Variants in EPX observed in about 807,000 individuals in gnomAD.
The protein encoded by EPX is eosinophil peroxidase.
A neutral mutation model predicts 73.0 loss-of-function variants in EPX; 60 were observed. The ratio of observed to expected loss-of-function variants is 0.82; its 90% CI spans 0.67 to 1.02. The LOEUF (loss-of-function observed/expected upper bound fraction) is 1.02. EPX is among the 50% of genes least tolerant of loss of function. The pLI, the probability that EPX is intolerant of heterozygous loss-of-function variation, is 0.00. For missense variants in EPX, 950 were observed against 973.9 expected (o/e 0.98, Z 0.33); for synonymous variants, 347 against 389.2 (o/e 0.89, Z 1.28).
intron 10 of EPX, chr17:58,202,361 G>C (rs1403653254): frequency 6.6e-6 from 1 of 152,400 alleles, no homozygotes; most frequent in African/African-American, 2.4e-5. Context: ...CTTGTCTTTG[G>C]AAGTTTCTGA....
rs1968238599 is a variant in EPX at position 58,195,145 on chromosome 17, A to G, written c.776A>G (p.Gln259Arg). Residue 259 changes from glutamine to arginine, a missense_variant, in exon 6 of 13, where the codon CAG (glutamine) becomes CGG (arginine). Coordinates refer to ENST00000225371, the MANE Select transcript of EPX (RefSeq NM_000502.6). ...GTTGACTGTGAGAGGACCTGCGCCC[A>G]GCTGCCCCCCTGCTTTCCCATCAAG... Reference protein sequence around the residue: ...AGVDCERTCAQLPPCFPIKIP... With the variant: ...AGVDCERTCARLPPCFPIKIP... 1.9e-6 allele frequency: 3 copies of G among 1,614,014 alleles called. No individual in the cohort carries two copies. Among genetic ancestry groups the G allele is most frequent in the Non-Finnish European group, 8.5e-7 (1 of 1,179,930 alleles).
chr17:58,195,240 G>A, intron 6 of EPX, 70 bp downstream of exon 6: 1 of 1,242,074 alleles, frequency 8.1e-7, no homozygotes, highest in Non-Finnish European at 1.2e-6. Flanking sequence ...TGGGGGTGGG[G>A]ATCTGGAAGA....
rs373616683 is a variant in EPX, at chr17:58,197,020, A to C, written c.883A>C (p.Lys295Gln). 1 of 1,614,134 alleles carries C rather than the reference A, an allele frequency of 6.2e-7. No homozygotes were observed. The highest frequency in any genetic ancestry group is 8.5e-7 in the Non-Finnish European group (1 of 1,180,028). ...CTCGGCACCCTCATGCCCCCAAAAC[A>C]AGAACAGAGTCCGCAACCAGATCAA... The part of the protein sequence containing the change: ...FRSAPSCPQN[K>Q]NRVRNQINAL... Residue 295 changes from lysine (K) to glutamine (Q), a missense_variant, in exon 7 of 13, where the codon AAG (lysine) becomes CAG (glutamine). Coordinates refer to ENST00000225371, the MANE Select transcript of EPX (RefSeq NM_000502.6).
chr17:58,200,412 C>T lies in EPX; in HGVS notation c.1708+17C>T, dbSNP rs1210861209. The T allele has an allele frequency of 6.2e-7, 1 of 1,613,356 alleles. No homozygotes were observed. The highest frequency in any genetic ancestry group is 1.3e-5 in the African/African-American group (1 of 74,930). ...GCCTTCCAGGTGAGGGGGCTGTCCA[C>T]CTCTTCTCCCAGCTTTGCTCGGGCC... On this transcript the variant is annotated intron_variant, in intron 10 of 12. Transcript: ENST00000225371.
intron 10 of EPX, 54 bp from the exon 11 acceptor site, chr17:58,203,025 CAG>C: frequency 1.5e-6 from 2 of 1,333,480 alleles, no homozygotes; most frequent in Non-Finnish European, 2.2e-6. Context: ...TGGAGAAAAA[CAG>C]AAGCTAATGG....
At chr17:58,204,508 C>T (rs1046312830) in intron 12 of EPX, 74 bp downstream of exon 12, 1 of 865,886 alleles carries the variant, frequency 1.2e-6, no homozygotes, top group Non-Finnish European at 1.9e-6. Flanking sequence ...ATGGCTGAGT[C>T]CTCTTAGGTC....
Position 58,197,179 on chromosome 17 carries a change from C to G in EPX, c.1042C>G (p.Leu348Val), listed in dbSNP as rs765308490. 7 of 1,614,062 alleles carry G rather than the reference C, an allele frequency of 4.3e-6. No individual in the cohort carries two copies. The highest frequency in any genetic ancestry group is 1.3e-5 in the African/African-American group (1 of 75,046). ...GCGCTTTCAAGACAACGGCCGGGCC[C>G]TGCTGCCCTTCGACAACCTGCACGA... ...NQRFQDNGRALLPFDNLHDDP... is the reference protein window; with the variant it reads ...NQRFQDNGRAVLPFDNLHDDP... Residue 348 changes from leucine (L) to valine (V), a missense_variant, in exon 7 of 13, where the codon CTG (leucine) becomes GTG (valine). By Grantham distance (32) the Leu-to-Val change is conservative (BLOSUM62 1). Coordinates refer to ENST00000225371, the MANE Select transcript of EPX (RefSeq NM_000502.6).
Position 58,199,021 on chromosome 17 carries a change from T to A in EPX, c.1121-19T>A. ...TCTCTGGGAAAGGCTGCAGTAAATC[T>A]GAGCTTGGGGTTTTCAAGGTGACAC... On this transcript the variant is annotated intron_variant, in intron 7 of 12. Coordinates refer to ENST00000225371, the MANE Select transcript of EPX (RefSeq NM_000502.6). 2 of 1,612,742 alleles carry A rather than the reference T, an allele frequency of 1.2e-6. No homozygotes were observed. The highest frequency in any genetic ancestry group is 2.7e-5 in the African/African-American group (2 of 75,054).
Position 58,199,200 on chromosome 17 carries a change from G to A in EPX, c.1281G>A (p.Gln427=), listed in dbSNP as rs539564300. The A allele has an allele frequency of 1.9e-6, 3 of 1,613,798 alleles. No individual in the cohort carries two copies. The highest frequency in any genetic ancestry group is 1.7e-5 in the Admixed American group (1 of 60,026). Reference sequence around the variant, plus strand: ...GGAAGATCATGGGGGCCATGGTCCAGGTAAGGAGCTCTGCATCCCAGCATC... The same window carrying A: ...GGAAGATCATGGGGGCCATGGTCCAAGTAAGGAGCTCTGCATCCCAGCATC... ...EARKIMGAMV[Q]IITYRDFLPL... The change falls in exon 8 of 13, where the codon CAG becomes CAA. Residue 427 remains glutamine, a splice_region_variant and synonymous_variant. Transcript: ENST00000225371.
At position 58,197,007 on chromosome 17, in the gene EPX, A is replaced by C. The variant is rs1226569056; in HGVS notation, c.870A>C (p.Ser290=). 1.2e-6 allele frequency: 2 copies of C among 1,614,056 alleles called. No individual in the cohort carries two copies. Among genetic ancestry groups the C allele is most frequent in the East Asian group, 2.2e-5 (1 of 44,884 alleles). ...DCIPFFRSAP[S]CPQNKNRVRN... ...TCCCTTTCTTCCGCTCGGCACCCTC[A>C]TGCCCCCAAAACAAGAACAGAGTCC... Residue 290 remains serine, a synonymous_variant, in exon 7 of 13, where the codon TCA becomes TCC. Coordinates refer to ENST00000225371, the MANE Select transcript of EPX (RefSeq NM_000502.6).
chr17:58,199,018 A>G lies in EPX; in HGVS notation c.1121-22A>G, dbSNP rs538913149. ...ATTTCTCTGGGAAAGGCTGCAGTAA[A>G]TCTGAGCTTGGGGTTTTCAAGGTGA... On this transcript the variant is annotated intron_variant, in intron 7 of 12. Coordinates refer to ENST00000225371, the MANE Select transcript of EPX (RefSeq NM_000502.6). The G allele has an allele frequency of 3.1e-6, 5 of 1,612,540 alleles. No homozygotes were observed. The African/African-American group carries it at 6.7e-5, about 21-fold the overall frequency.
chr17:58,202,102 A>G (rs886225220), intron 10 of EPX, among the ~76,000 whole-genome samples: 2 of 152,256 alleles, frequency 1.3e-5, no homozygotes, highest in African/African-American at 4.8e-5. Flanking sequence ...TTAGCATGCC[A>G]TAAAAGCACC....
chr17:58,193,555 A>G lies in EPX; in HGVS notation c.346+9A>G, dbSNP rs1696951335. ...ACCCTTCAATGTCACTGGTACTCTG[A>G]TCCCCACTGAGCCCGCTGGGCCTAC... On this transcript the variant is annotated intron_variant, in intron 3 of 12. Coordinates refer to ENST00000225371, the MANE Select transcript of EPX (RefSeq NM_000502.6). The G allele has an allele frequency of 6.2e-7, 1 of 1,613,838 alleles. No homozygotes were observed. Among genetic ancestry groups the G allele is most frequent in the Admixed American group, 1.7e-5 (1 of 60,028 alleles).
chr17:58,199,747 T>C lies in EPX; in HGVS notation c.1490T>C (p.Val497Ala). The C allele has an allele frequency of 6.2e-7, 1 of 1,612,874 alleles. No homozygotes were observed. The change falls in exon 9 of 13, where the codon GTC becomes GCC. Residue 497 changes from valine (V) to alanine (A), a missense_variant. Physicochemically the swap from Val to Ala is moderately conservative, Grantham distance 64. Transcript: ENST00000225371. ...CGGGCCTCCGCACCCAACTCGCATG[T>C]CCCACTTAGCTCTGCCTTCTTTGCC... is the stretch of plus-strand genomic sequence containing the variant. Reference protein sequence around the residue: ...QYRASAPNSHVPLSSAFFASW... With the variant: ...QYRASAPNSHAPLSSAFFASW...
At chr17:58,199,958 C>A (rs935644840) in intron 9 of EPX, among the ~76,000 whole-genome samples, 164 bp downstream of exon 9, 1 of 152,194 alleles carries the variant, frequency 6.6e-6, no homozygotes, top group East Asian at 1.9e-4. Flanking sequence ...CCCTCAGTCA[C>A]GGGCCTCCCA....
rs1282310211 is a variant in EPX, at chr17:58,192,845, A to G, written c.-2A>G. On this transcript the variant is annotated 5_prime_UTR_variant, in exon 1 of 13. Coordinates refer to ENST00000225371, the MANE Select transcript of EPX (RefSeq NM_000502.6). ...CCCAGCTGGTGAAGCCTCGCTGCAGAGATGCATCTGCTCCCAGCCCTGGCA... is the reference window on the plus strand; with the variant it reads ...CCCAGCTGGTGAAGCCTCGCTGCAGGGATGCATCTGCTCCCAGCCCTGGCA... 1.9e-6 allele frequency: 3 copies of G among 1,613,618 alleles called. No homozygotes were observed. In the African/African-American group the frequency reaches 4.0e-5, roughly 22 times the overall value.
chr17:58,203,590 A>C (rs923692810), intron 11 of EPX, among the ~76,000 whole-genome samples: 8 of 152,088 alleles, frequency 5.3e-5, no homozygotes, highest in African/African-American at 1.9e-4. Flanking sequence ...ATCCCAGAAA[A>C]CATGGGCAGA....
chr17:58,193,808 C>T lies in EPX; in HGVS notation c.441C>T (p.Thr147=). 3.1e-6 allele frequency: 5 copies of T among 1,612,982 alleles called. No homozygotes were observed. Among genetic ancestry groups the T allele is most frequent in the Non-Finnish European group, 4.2e-6 (5 of 1,179,250 alleles). ...QAERCSDKYR[T]ITGRCNNKRR... The stretch of plus-strand genomic sequence containing the variant: ...AGCGCTGCAGCGACAAGTACCGCAC[C>T]ATCACTGGACGGTGCAACAACAAGT... The change falls in exon 4 of 13, where the codon ACC becomes ACT. Residue 147 remains threonine, a synonymous_variant. Coordinates refer to ENST00000225371, the MANE Select transcript of EPX (RefSeq NM_000502.6).
intron 10 of EPX, among the ~76,000 whole-genome samples, chr17:58,201,575 G>A (rs765341232): frequency 1.7e-4 from 26 of 152,198 alleles, no homozygotes; most frequent in Non-Finnish European, 3.4e-4. Flanking sequence ...GGTCTGGGTC[G>A]TATGGCTTGC....
Sources: allele counts gnomAD v4.1 joint callset (sites outside exome capture counted in the v4.1 genomes callset), GRCh38; gene constraint gnomAD v4.1.1; transcripts MANE v1.5; gene names NCBI Gene and HGNC (gene_info 2026-07-23, HGNC 2026-07-21).